Variants in PALS2 observed in about 807,000 individuals in gnomAD.
The protein encoded by PALS2 is protein associated with LIN7 2, MAGUK p55 family member.
In PALS2, 27 loss-of-function variants were observed where a neutral mutation model predicts 61.6. The observed-to-expected ratio is 0.44, with a 90% CI of 0.32 to 0.60. The LOEUF is 0.60. PALS2 is among the 20% of genes least tolerant of loss of function. The probability of loss-of-function intolerance (pLI) is 0.05; values close to 1 mark genes in which losing one functional copy is unlikely to be tolerated. For missense variants in PALS2, 554 were observed against 639.4 expected, an observed-to-expected ratio of 0.87 and a Z score of 1.44; for synonymous variants, 236 against 218.6, an observed-to-expected ratio of 1.08 and a Z score of -0.70.
chr7:24,645,992 C>T (rs765443421), intron 3 of PALS2, among the ~76,000 whole-genome samples: 15 of 152,066 alleles, frequency 9.9e-5, no homozygotes, highest in South Asian at 4.2e-4. Context: ...TTGTATCATT[C>T]GGAAGGATAC....
intron 1 of PALS2, among the ~76,000 whole-genome samples, chr7:24,602,861 T>A (rs548954521): frequency 7.0e-4 from 106 of 152,262 alleles, no homozygotes; most frequent in African/African-American, 2.4e-3. Flanking sequence ...TCCTGTTCTC[T>A]TGATAGTAAA....
chr7:24,667,734 G>A lies in PALS2; in HGVS notation c.953-765G>A, dbSNP rs117354275. Among the ~76,000 whole-genome samples, 489 of 134,946 alleles carry A rather than the reference G, an allele frequency of 3.6e-3. 9 individuals carry two copies. The highest frequency in any genetic ancestry group is 0.034 in the East Asian group (158 of 4,662). 88.5% of individuals were successfully genotyped at this position (134,946 alleles called of 152,430 possible). On this transcript the variant is annotated intron_variant, in intron 8 of 11. Transcript: ENST00000222644. ...GGCTGGAGTGCAGTGGCGCAATCTC[G>A]TCTTACTGCAGTCTCTGCTTCCTGG...
chr7:24,622,676 C>CTTTTTTCTTTTTTTTT, intron 1 of PALS2, among the ~76,000 whole-genome samples: 1 of 140,552 alleles, frequency 7.1e-6, no homozygotes, highest in Non-Finnish European at 1.5e-5. Flanking sequence ...TCTTTATTTT[C>CTTTTTTCTTTTTTTTT]TTTTTTCTTT....
At chr7:24,677,470 C>G (rs1787675403) in intron 9 of PALS2, among the ~76,000 whole-genome samples, 2 of 151,738 alleles carry the variant, frequency 1.3e-5, no homozygotes, top group South Asian at 4.2e-4. Flanking sequence ...GGGAATGCTT[C>G]CAGTTTTTGC....
intron 1 of PALS2, among the ~76,000 whole-genome samples, chr7:24,581,664 A>G (rs1452462361): frequency 6.6e-6 from 1 of 152,220 alleles, no homozygotes; most frequent in Admixed American, 6.5e-5. Flanking sequence ...TAGGTCAGGG[A>G]TGCTGCAAAC....
intron 1 of PALS2, among the ~76,000 whole-genome samples, chr7:24,616,061 G>A (rs1784283715): frequency 6.6e-6 from 1 of 152,020 alleles, no homozygotes; most frequent in African/African-American, 2.4e-5. Flanking sequence ...CAAAATAATG[G>A]CCATATATGG....
rs1433399011 is a variant in PALS2, at chr7:24,644,984, A to T, written c.270+3116A>T. 6.2e-5 allele frequency among the ~76,000 whole-genome samples: 7 copies of T among 113,690 alleles called. No individual in the cohort carries two copies. In the East Asian group the frequency reaches 2.9e-3, roughly 46 times the overall value. 74.6% of individuals were successfully genotyped at this position (113,690 alleles called of 152,430 possible). The stretch of plus-strand genomic sequence containing the variant: ...CTGTTCATGTTCTTTGCCCACTTAA[A>T]TGGGCAAAGAACTTGTATTTGTTTA... On this transcript the variant is annotated intron_variant, in intron 3 of 11. Coordinates refer to ENST00000222644, the MANE Select transcript of PALS2 (RefSeq NM_001303037.2).
intron 5 of PALS2, among the ~76,000 whole-genome samples, chr7:24,654,636 G>A (rs1200024683): frequency 6.6e-6 from 1 of 152,180 alleles, no homozygotes; most frequent in African/African-American, 2.4e-5. Flanking sequence ...GTCATGGACA[G>A]GAAGACAATA....
rs951550243 is a variant in PALS2, at chr7:24,689,945, TATTTC to T, written c.*2333_*2337del. 1 of 152,228 alleles carries T rather than the reference TATTTC, an allele frequency of 6.6e-6. No homozygotes were observed. Among genetic ancestry groups the T allele is most frequent in the African/African-American group, 2.4e-5 (1 of 41,454 alleles). 9.4% of individuals were successfully genotyped at this position (152,228 alleles called of 1,614,324 possible). ...CAGCACAAGAAGTTTATCTGCAAAA[TATTTC>T]AATCATCTTGGTACAATAGATGACT... On this transcript the variant is annotated 3_prime_UTR_variant, in exon 12 of 12. Coordinates refer to ENST00000222644, the MANE Select transcript of PALS2 (RefSeq NM_001303037.2).
intron 1 of PALS2, among the ~76,000 whole-genome samples, chr7:24,589,607 G>T (rs1783205988): frequency 6.6e-6 from 1 of 152,104 alleles, no homozygotes; most frequent in African/African-American, 2.4e-5. Context: ...TATTGTTAAT[G>T]CTCTGAACAA....
rs1788519634 is a variant in PALS2, at chr7:24,692,459, G to A, written c.*4845G>A. ...ACTCTGATGTGGTAGCTGTGATATGGTGAACTGAAAAATCCTTATTAGGCT... is the reference window on the plus strand; with the variant it reads ...ACTCTGATGTGGTAGCTGTGATATGATGAACTGAAAAATCCTTATTAGGCT... On this transcript the variant is annotated 3_prime_UTR_variant, in exon 12 of 12. Transcript: ENST00000222644. 6.6e-6 allele frequency: 1 copy of A among 152,082 alleles called. No individual in the cohort carries two copies. Among genetic ancestry groups the A allele is most frequent in the South Asian group, 2.1e-4 (1 of 4,828 alleles). The allele number at this position is 152,082 out of a possible 1,614,324, so 9.4% of individuals were successfully genotyped here.
At chr7:24,575,611 C>T (rs980722603) in intron 1 of PALS2, among the ~76,000 whole-genome samples, 2 of 152,150 alleles carry the variant, frequency 1.3e-5, no homozygotes, top group African/African-American at 4.8e-5. Flanking sequence ...TATCCCTTTA[C>T]ATGCTTTACT....
At chr7:24,630,755 A>G (rs1405416557) in intron 2 of PALS2, among the ~76,000 whole-genome samples, 1 of 152,192 alleles carries the variant, frequency 6.6e-6, no homozygotes, top group Non-Finnish European at 1.5e-5. Context: ...TAGAGCCCTT[A>G]AGAATTATGC....
chr7:24,683,659 T>A (rs1299124452), intron 11 of PALS2, among the ~76,000 whole-genome samples: 1 of 152,172 alleles, frequency 6.6e-6, no homozygotes, highest in East Asian at 1.9e-4. Context: ...CTGGTTTCTT[T>A]TAGGGTAAAT....
At position 24,664,188 on chromosome 7, in the gene PALS2, C is replaced by G. The variant is rs961078291; in HGVS notation, c.783+467C>G. Reference sequence around the variant, plus strand: ...TAATGTCTATTTGCTCCCCTCTTCTCAGATATTGGGAAATGGAGGTTCACT... The same window carrying G: ...TAATGTCTATTTGCTCCCCTCTTCTGAGATATTGGGAAATGGAGGTTCACT... On this transcript the variant is annotated intron_variant, in intron 6 of 11. Coordinates refer to ENST00000222644, the MANE Select transcript of PALS2 (RefSeq NM_001303037.2). Among the ~76,000 whole-genome samples the G allele has an allele frequency of 9.2e-5, 14 of 152,158 alleles. No individual in the cohort carries two copies. In the South Asian group the frequency reaches 2.9e-3, roughly 32 times the overall value.
In PALS2 at chr7:24,690,315, G is replaced by T. The variant is rs1235918255; in HGVS notation, c.*2701G>T. 3.9e-5 allele frequency: 6 copies of T among 152,240 alleles called. No homozygotes were observed. The highest frequency in any genetic ancestry group is 2.9e-5 in the Non-Finnish European group (2 of 68,050). The allele number at this position is 152,240 out of a possible 1,614,324, so 9.4% of individuals were successfully genotyped here. A position where few individuals can be genotyped will look rare whatever the true frequency, so the allele number is the denominator to read the frequency against. ...CTTCCTAGGTAATGAGAGTATAGCT[G>T]TGATCAAGGAAATGTGAACTTCTCT... On this transcript the variant is annotated 3_prime_UTR_variant, in exon 12 of 12. Coordinates refer to ENST00000222644, the MANE Select transcript of PALS2 (RefSeq NM_001303037.2).
intron 1 of PALS2, among the ~76,000 whole-genome samples, chr7:24,595,244 C>T (rs771605770): frequency 4.0e-4 from 60 of 150,926 alleles, no homozygotes; most frequent in Non-Finnish European, 6.9e-4. Flanking sequence ...ATAGGCAATA[C>T]GGGAGGAAGA....
At chr7:24,595,001 A>G (rs531548284) in intron 1 of PALS2, among the ~76,000 whole-genome samples, 14 of 152,250 alleles carry the variant, frequency 9.2e-5, no homozygotes, top group Admixed American at 3.3e-4. Flanking sequence ...ATTTTTTTAA[A>G]AACAGTATCT....
At chr7:24,613,335 A>T (rs1230129432) in intron 1 of PALS2, among the ~76,000 whole-genome samples, 3 of 151,614 alleles carry the variant, frequency 2.0e-5, no homozygotes, top group Admixed American at 2.0e-4. Context: ...TTAGAAAATC[A>T]CCTACTTGAC....
Sources: gnomAD v4.1 joint callset for allele counts (sites outside exome capture counted in the v4.1 genomes callset) on GRCh38, gnomAD v4.1.1 for gene constraint, MANE v1.5 for transcripts, NCBI Gene and HGNC (gene_info 2026-07-23, HGNC 2026-07-21) for gene names.